EPN1: variants seen among roughly 807,000 people sequenced by gnomAD.
EPN1 encodes epsin 1.
A neutral mutation model predicts 56.9 loss-of-function variants in EPN1; 25 were observed. The ratio of observed to expected loss-of-function variants is 0.44; its 90% CI spans 0.32 to 0.61. The LOEUF is 0.61. Ranked by LOEUF, EPN1 falls within the 20% of genes least tolerant of loss-of-function variation. EPN1 has a pLI of 0.05. For synonymous variants in EPN1, 411 were observed against 361.8 expected (o/e 1.14, Z -1.54); for missense variants, 785 against 823.7 (o/e 0.95, Z 0.58).
intron 1 of EPN1, among the ~76,000 whole-genome samples, chr19:55,677,975 C>G (rs77820224): frequency 0.08 from 12,243 of 152,272 alleles, 645 homozygotes; most frequent in East Asian, 0.29. Flanking sequence ...GTGGGTTGAC[C>G]TTAGCTACAG....
At position 55,696,736 on chromosome 19, in the gene EPN1, C is replaced by A. The variant is rs529809023; in HGVS notation, c.*1380C>A. 1 of 152,272 alleles carries A rather than the reference C, an allele frequency of 6.6e-6. No individual in the cohort carries two copies. Among genetic ancestry groups the A allele is most frequent in the African/African-American group, 2.4e-5 (1 of 41,450 alleles). The allele number at this position is 152,272 out of a possible 1,614,324, so 9.4% of individuals were successfully genotyped here. On this transcript the variant is annotated 3_prime_UTR_variant, in exon 11 of 11. Coordinates refer to ENST00000270460, the MANE Select transcript of EPN1 (RefSeq NM_001130072.2). ...CTGAGAGGGACATGACTGCGGTGTC[C>A]GAGCAGCGTCGTGGCCACCCTGTGT... is the stretch of plus-strand genomic sequence containing the variant.
At chr19:55,679,437 A>C (rs1985659148) in intron 2 of EPN1, among the ~76,000 whole-genome samples, 1 of 152,156 alleles carries the variant, frequency 6.6e-6, no homozygotes, top group Non-Finnish European at 1.5e-5. Context: ...CTCGTCCCTG[A>C]ATCTCCCTCT....
rs1239041206 is a variant in EPN1, at chr19:55,709,219, C to T, written c.*13863C>T. The T allele has an allele frequency of 4.6e-6, 2 of 433,426 alleles. No individual in the cohort carries two copies. Among genetic ancestry groups the T allele is most frequent in the East Asian group, 3.8e-5 (1 of 26,306 alleles). The allele number at this position is 433,426 out of a possible 1,614,324, so 26.8% of individuals were successfully genotyped here. A position where few individuals can be genotyped will look rare whatever the true frequency, so the allele number is the denominator to read the frequency against. ...ATCTTTCCTATAGGATAGGAAGCCT[C>T]TGATTTATACCATAAAGTGAAATTT... is the stretch of plus-strand genomic sequence containing the variant. On this transcript the variant is annotated 3_prime_UTR_variant, in exon 11 of 11. Transcript: ENST00000270460.
chr19:55,682,489 G>A (rs1029003106), intron 2 of EPN1, among the ~76,000 whole-genome samples: 2 of 151,910 alleles, frequency 1.3e-5, no homozygotes, highest in African/African-American at 4.8e-5. Context: ...CATGTTCTCG[G>A]CTCACTGTAG....
intron 1 of EPN1, among the ~76,000 whole-genome samples, chr19:55,678,082 G>A (rs367948192): frequency 1.6e-4 from 25 of 152,342 alleles, no homozygotes; most frequent in African/African-American, 6.0e-4. Context: ...CCTGGGAAGT[G>A]TAAGCAGAGC....
In EPN1 at chr19:55,694,856, C is replaced by G; in HGVS notation, c.1395C>G (p.Pro465=). 3 of 1,608,394 alleles carry G rather than the reference C, an allele frequency of 1.9e-6. No individual in the cohort carries two copies. Among genetic ancestry groups the G allele is most frequent in the Non-Finnish European group, 2.5e-6 (3 of 1,177,726 alleles). Residue 465 remains proline, a synonymous_variant, in exon 10 of 11, where the codon CCC becomes CCG. Coordinates refer to ENST00000270460, the MANE Select transcript of EPN1 (RefSeq NM_001130072.2). This position sits in a 1 kb window ranked among gnomAD's most constrained non-coding sequence, Gnocchi z 4.2. ...PPPAATPTPT[P]PTRKTPESFL... Reference sequence around the variant, plus strand: ...CTGCAGCCACACCAACTCCCACGCCCCCCACCCGGAAGACGCCGGAGTCAT... The same window carrying G: ...CTGCAGCCACACCAACTCCCACGCCGCCCACCCGGAAGACGCCGGAGTCAT...
intron 2 of EPN1, among the ~76,000 whole-genome samples, chr19:55,681,504 C>A (rs1985817430): frequency 6.6e-6 from 1 of 152,192 alleles, no homozygotes; most frequent in Non-Finnish European, 1.5e-5. Flanking sequence ...CTGGTGAAAT[C>A]CCACTCACAG....
At chr19:55,685,237 G>A (rs1316918270) in intron 2 of EPN1, among the ~76,000 whole-genome samples, 159 bp from the exon 3 acceptor site, 5 of 152,260 alleles carry the variant, frequency 3.3e-5, no homozygotes, top group Admixed American at 1.3e-4. Context: ...TTGCATGGCC[G>A]TGTCGTATTC....
rs1279978668 is a variant in EPN1, at chr19:55,703,328, T to C, written c.*7972T>C. On this transcript the variant is annotated 3_prime_UTR_variant, in exon 11 of 11. Transcript: ENST00000270460. Reference sequence around the variant, plus strand: ...TTGGGACAGTCGGGGATTCTCACTTTTTTTTAAAATTTGAGATGGAGTTTC... The same window carrying C: ...TTGGGACAGTCGGGGATTCTCACTTCTTTTTAAAATTTGAGATGGAGTTTC... 6.6e-6 allele frequency: 1 copy of C among 151,912 alleles called. No homozygotes were observed. The highest frequency in any genetic ancestry group is 2.4e-5 in the African/African-American group (1 of 41,326). The allele number at this position is 151,912 out of a possible 1,614,324, so 9.4% of individuals were successfully genotyped here. A position where few individuals can be genotyped will look rare whatever the true frequency, so the allele number is the denominator to read the frequency against.
Position 55,703,319 on chromosome 19 carries a change from TTC to T in EPN1, c.*7966_*7967del, listed in dbSNP as rs1987238148. 2.0e-5 allele frequency: 3 copies of T among 152,048 alleles called. No homozygotes were observed. Among genetic ancestry groups the T allele is most frequent in the African/African-American group, 7.3e-5 (3 of 41,344 alleles). The allele number at this position is 152,048 out of a possible 1,614,324, so 9.4% of individuals were successfully genotyped here. A position where few individuals can be genotyped will look rare whatever the true frequency, so the allele number is the denominator to read the frequency against. On this transcript the variant is annotated 3_prime_UTR_variant, in exon 11 of 11. Coordinates refer to ENST00000270460, the MANE Select transcript of EPN1 (RefSeq NM_001130072.2). ...TGTGTGTGGTTGGGACAGTCGGGGATTCTCACTTTTTTTTAAAATTTGAGATG... is the reference window on the plus strand; with the variant it reads ...TGTGTGTGGTTGGGACAGTCGGGGATTCACTTTTTTTTAAAATTTGAGATG...
intron 7 of EPN1, 149 bp from the exon 8 acceptor site, chr19:55,692,537 A>AGT (rs1986627459): frequency 2.2e-6 from 1 of 452,024 alleles, no homozygotes; most frequent in Non-Finnish European, 3.7e-6. Flanking sequence ...TTGGAATTTG[A>AGT]GTGTGTGTGC....
chr19:55,701,432 GA>G lies in EPN1; in HGVS notation c.*6077del, dbSNP rs1987135505. On this transcript the variant is annotated 3_prime_UTR_variant, in exon 11 of 11. Coordinates refer to ENST00000270460, the MANE Select transcript of EPN1 (RefSeq NM_001130072.2). ...CTACTGCACTCCAGCCTGGGTGACA[GA>G]GTGAGACCCTGTCTCCAAAAAAAAA... 1 of 149,268 alleles carries G rather than the reference GA, an allele frequency of 6.7e-6. No individual in the cohort carries two copies. Among genetic ancestry groups the G allele is most frequent in the Non-Finnish European group, 1.5e-5 (1 of 67,682 alleles). 9.2% of individuals were successfully genotyped at this position (149,268 alleles called of 1,614,324 possible).
At chr19:55,676,321 T>A (rs1985423079) in intron 1 of EPN1, among the ~76,000 whole-genome samples, 1 of 152,254 alleles carries the variant, frequency 6.6e-6, no homozygotes, top group South Asian at 2.1e-4. Context: ...GCCATATCCT[T>A]TGTATTCTTT....
At chr19:55,685,147 C>T (rs952524865) in intron 2 of EPN1, among the ~76,000 whole-genome samples, 2 of 152,262 alleles carry the variant, frequency 1.3e-5, no homozygotes, top group African/African-American at 4.8e-5. Flanking sequence ...GGCTGTGTGG[C>T]GTTCTGTGCT....
rs537541572 is a variant in EPN1 at position 55,708,114 on chromosome 19, G to C, written c.*12758G>C. ...AAATTCAGCCTCCCAAATATCCAAA[G>C]AATCCAGGAGTGTGCCAAGAGATCC... On this transcript the variant is annotated 3_prime_UTR_variant, in exon 11 of 11. Coordinates refer to ENST00000270460, the MANE Select transcript of EPN1 (RefSeq NM_001130072.2). 8.5e-4 allele frequency: 129 copies of C among 152,310 alleles called. 1 individual carries two copies. Among genetic ancestry groups the C allele is most frequent in the African/African-American group, 2.9e-3 (119 of 41,570 alleles). 9.4% of individuals were successfully genotyped at this position (152,310 alleles called of 1,614,324 possible). A position where few individuals can be genotyped will look rare whatever the true frequency, so the allele number is the denominator to read the frequency against.
intron 2 of EPN1, among the ~76,000 whole-genome samples, chr19:55,681,955 C>T (rs974882157): frequency 4.6e-5 from 7 of 152,066 alleles, no homozygotes; most frequent in East Asian, 1.9e-4. Flanking sequence ...CCACCATGCC[C>T]GGCTAATTTT....
chr19:55,690,301 C>T (rs1172346468), intron 6 of EPN1, among the ~76,000 whole-genome samples: 1 of 152,264 alleles, frequency 6.6e-6, no homozygotes, highest in Non-Finnish European at 1.5e-5. Context: ...CTCGCCCCAT[C>T]TGTCACACTT....
At position 55,691,688 on chromosome 19, in the gene EPN1, A is replaced by G. The variant is rs1025613479; in HGVS notation, c.763-66A>G. ...GGCCGCCTCCCCCGCCACGGGCCCCAGCTTGGTCCCTGTCCCAGGCTTCCC... is the reference window on the plus strand; with the variant it reads ...GGCCGCCTCCCCCGCCACGGGCCCCGGCTTGGTCCCTGTCCCAGGCTTCCC... On this transcript the variant is annotated intron_variant, in intron 6 of 10. Coordinates refer to ENST00000270460, the MANE Select transcript of EPN1 (RefSeq NM_001130072.2). This position sits in a 1 kb window ranked among gnomAD's most constrained non-coding sequence, Gnocchi z 5.6. 148 of 1,492,710 alleles carry G rather than the reference A, an allele frequency of 9.9e-5. No individual in the cohort carries two copies. The highest frequency in any genetic ancestry group is 1.2e-4 in the Non-Finnish European group (132 of 1,087,022). The allele number at this position is 1,492,710 out of a possible 1,614,324, so 92.5% of individuals were successfully genotyped here.
In EPN1 at chr19:55,695,129, TG is replaced by T. The variant is rs776857069; in HGVS notation, c.1523-17del. The T allele has an allele frequency of 6.2e-7, 1 of 1,613,526 alleles. No individual in the cohort carries two copies. Among genetic ancestry groups the T allele is most frequent in the Non-Finnish European group, 8.5e-7 (1 of 1,179,758 alleles). ...CGCCACTGACTCCACTCCGTGTCTC[TG>T]GTTTACTCTTCCTGCAGGAGGCCCA... On this transcript the variant is annotated intron_variant, in intron 10 of 10. Transcript: ENST00000270460. This position sits in a 1 kb window ranked among gnomAD's most constrained non-coding sequence, Gnocchi z 4.4.
Sources: allele counts gnomAD v4.1 joint callset (sites outside exome capture counted in the v4.1 genomes callset), GRCh38; gene constraint gnomAD v4.1.1; non-coding constraint Gnocchi (gnomAD v3.1); transcripts MANE v1.5; gene names NCBI Gene and HGNC (gene_info 2026-07-23, HGNC 2026-07-21).